The following INPP4B variants were observed in gnomAD, a reference collection of about 807,000 sequenced individuals.
INPP4B encodes the protein inositol polyphosphate-4-phosphatase type II B.
In INPP4B, 55 loss-of-function variants were observed where a neutral mutation model predicts 122.5. That is an observed-to-expected ratio of 0.45 (90% CI 0.36 to 0.56). The LOEUF (loss-of-function observed/expected upper bound fraction) is 0.56. Ranked by LOEUF, INPP4B falls within the 20% of genes least tolerant of loss-of-function variation. The pLI, the probability that INPP4B is intolerant of heterozygous loss-of-function variation, is 0.00. For missense variants in INPP4B, 1,000 were observed against 1,097.7 expected, an observed-to-expected ratio of 0.91 and a Z score of 1.26; for synonymous variants, 403 against 388.7, an observed-to-expected ratio of 1.04 and a Z score of -0.43.
chr4:142,064,147 T>C (rs1193672516), intron 25 of INPP4B, among the ~76,000 whole-genome samples: 1 of 152,198 alleles, frequency 6.6e-6, no homozygotes, highest in African/African-American at 2.4e-5. Flanking sequence ...TGCTACAACA[T>C]TGTTGTACAG....
intron 2 of INPP4B, among the ~76,000 whole-genome samples, chr4:142,499,929 A>G (rs1195018150): frequency 6.6e-6 from 1 of 152,138 alleles, no homozygotes; most frequent in Non-Finnish European, 1.5e-5. Flanking sequence ...CCGTAATACA[A>G]CCGTCGCTGA....
chr4:142,372,030 G>GT (rs1790126084), intron 7 of INPP4B, among the ~76,000 whole-genome samples: 1 of 152,088 alleles, frequency 6.6e-6, no homozygotes, highest in African/African-American at 2.4e-5. Flanking sequence ...TGAAACCAAT[G>GT]TAAGTGTTCA....
At chr4:142,780,034 T>G (rs538351958) in intron 1 of INPP4B, among the ~76,000 whole-genome samples, 68 of 152,078 alleles carry the variant, frequency 4.5e-4, no homozygotes, top group Non-Finnish European at 8.2e-4. Context: ...TTCAGAGAAA[T>G]GAGCCCATAT....
At chr4:142,598,222 T>C (rs767854572) in intron 2 of INPP4B, among the ~76,000 whole-genome samples, 1 of 152,084 alleles carries the variant, frequency 6.6e-6, no homozygotes, top group Non-Finnish European at 1.5e-5. Flanking sequence ...GTGAGAGAAC[T>C]TCAGTGGTCC....
intron 15 of INPP4B, among the ~76,000 whole-genome samples, chr4:142,183,624 G>C (rs2152985951): frequency 6.6e-6 from 1 of 152,216 alleles, no homozygotes; most frequent in Middle Eastern, 3.4e-3. Flanking sequence ...TAGAACAACA[G>C]ACAGCTTTAA....
chr4:142,080,858 G>C (rs1773563089), intron 25 of INPP4B, among the ~76,000 whole-genome samples: 1 of 152,088 alleles, frequency 6.6e-6, no homozygotes, highest in East Asian at 1.9e-4. Flanking sequence ...CTGCAGATTT[G>C]AAGATTTCAT....
At chr4:142,284,886 A>T (rs1752803542) in intron 9 of INPP4B, among the ~76,000 whole-genome samples, 1 of 152,130 alleles carries the variant, frequency 6.6e-6, no homozygotes, top group Non-Finnish European at 1.5e-5. Flanking sequence ...TGTAATTTTT[A>T]AATCAGTGAA....
At chr4:142,097,075 G>T (rs915238987) in intron 23 of INPP4B, among the ~76,000 whole-genome samples, 1 of 151,858 alleles carries the variant, frequency 6.6e-6, no homozygotes, top group African/African-American at 2.4e-5. Flanking sequence ...TGAAAAAAAA[G>T]CTATTTTAAA....
intron 1 of INPP4B, among the ~76,000 whole-genome samples, chr4:142,750,396 C>A (rs1429203225): frequency 6.6e-6 from 1 of 151,902 alleles, no homozygotes; most frequent in East Asian, 1.9e-4. Flanking sequence ...CCAAACTGCC[C>A]CATGAAAGAG....
At chr4:142,217,687 T>C (rs1405545440) in intron 12 of INPP4B, among the ~76,000 whole-genome samples, 2 of 152,192 alleles carry the variant, frequency 1.3e-5, no homozygotes, top group South Asian at 2.1e-4. Flanking sequence ...AGATATTTGG[T>C]CAACGGTATA....
intron 2 of INPP4B, among the ~76,000 whole-genome samples, chr4:142,538,099 A>G (rs755287419): frequency 1.8e-4 from 28 of 152,192 alleles, no homozygotes; most frequent in Non-Finnish European, 2.6e-4. Context: ...CTCATTATGC[A>G]TGACCTTTAT....
chr4:142,441,705 G>T (rs1325568564), intron 3 of INPP4B, among the ~76,000 whole-genome samples: 1 of 152,016 alleles, frequency 6.6e-6, no homozygotes, highest in Non-Finnish European at 1.5e-5. Context: ...GTTGGAAAAG[G>T]CATGGTCAGT....
At chr4:142,392,631 T>G (rs559472600) in intron 7 of INPP4B, among the ~76,000 whole-genome samples, 1 of 152,316 alleles carries the variant, frequency 6.6e-6, no homozygotes, top group Admixed American at 6.5e-5. Context: ...TTTCCATGGT[T>G]GGAGTAAAAG....
Position 142,208,918 on chromosome 4 carries a change from C to G in INPP4B, c.945G>C (p.Leu315=), listed in dbSNP as rs768021419. 6.4e-7 allele frequency: 1 copy of G among 1,573,628 alleles called. No homozygotes were observed. The highest frequency in any genetic ancestry group is 1.2e-5 in the South Asian group (1 of 82,144). Residue 315 remains leucine, a synonymous_variant, in exon 13 of 26, where the codon CTG becomes CTC. Coordinates refer to ENST00000262992, the MANE Select transcript of INPP4B (RefSeq NM_001101669.3). ...CACCTGTTTCCTTGCTAAGTTCTGT[C>G]AGAATGTCTTGGTACATATTCACCA... The part of the protein sequence containing the change: ...DQMVNMYQDI[L]TELSKETGSS...
intron 2 of INPP4B, among the ~76,000 whole-genome samples, chr4:142,516,920 T>C (rs1172816816): frequency 6.6e-6 from 1 of 152,042 alleles, no homozygotes; most frequent in East Asian, 1.9e-4. Flanking sequence ...CTCGCTACTG[T>C]TACACTCACA....
intron 18 of INPP4B, among the ~76,000 whole-genome samples, chr4:142,126,531 T>A (rs1004170030): frequency 1.3e-5 from 2 of 152,170 alleles, no homozygotes; most frequent in African/African-American, 4.8e-5. Context: ...GATGTCATAA[T>A]GTAAAATACA....
intron 2 of INPP4B, among the ~76,000 whole-genome samples, chr4:142,567,876 G>T (rs1187855618): frequency 6.6e-6 from 1 of 152,088 alleles, no homozygotes; most frequent in Non-Finnish European, 1.5e-5. Context: ...AATTCAAGTA[G>T]TCTCAAGGCA....
chr4:142,632,387 T>C (rs1254640641), intron 2 of INPP4B, among the ~76,000 whole-genome samples: 4 of 152,050 alleles, frequency 2.6e-5, no homozygotes, highest in Non-Finnish European at 4.4e-5. Context: ...GTTAAGAAAG[T>C]AGATCTCATG....
At chr4:142,583,954 A>G (rs1185077758) in intron 2 of INPP4B, among the ~76,000 whole-genome samples, 2 of 151,902 alleles carry the variant, frequency 1.3e-5, no homozygotes, top group Non-Finnish European at 2.9e-5. Context: ...TAAAACTTCA[A>G]TCTCTCAGTA....
Sources: gnomAD v4.1 joint callset for allele counts (sites outside exome capture counted in the v4.1 genomes callset) on GRCh38, gnomAD v4.1.1 for gene constraint, MANE v1.5 for transcripts, NCBI Gene and HGNC (gene_info 2026-07-23, HGNC 2026-07-21) for gene names.